The following ARHGAP15 variants were observed in gnomAD, a reference collection of about 807,000 sequenced individuals.
ARHGAP15 encodes rho GTPase-activating protein 15.
In ARHGAP15, 51 loss-of-function variants were observed where a neutral mutation model predicts 63.7. The observed-to-expected ratio is 0.80, with a 90% CI of 0.64 to 1.01. The LOEUF is 1.01. ARHGAP15 is among the 50% of genes least tolerant of loss of function. ARHGAP15 has a pLI of 0.00. For synonymous variants in ARHGAP15, 191 were observed against 193.8 expected, an observed-to-expected ratio of 0.99 and a Z score of 0.12; for missense variants, 560 against 564.6, an observed-to-expected ratio of 0.99 and a Z score of 0.08.
chr2:143,283,840 T>C (rs975198440), intron 6 of ARHGAP15, among the ~76,000 whole-genome samples: 9 of 152,180 alleles, frequency 5.9e-5, no homozygotes, highest in African/African-American at 2.2e-4. Context: ...TGTTCACCTA[T>C]TGGGCTTTCA....
At chr2:143,196,349 G>C (rs991616712) in intron 2 of ARHGAP15, among the ~76,000 whole-genome samples, 5 of 151,898 alleles carry the variant, frequency 3.3e-5, no homozygotes, top group African/African-American at 1.2e-4. Flanking sequence ...CCTATTTGCA[G>C]GACGTGATAA....
intron 11 of ARHGAP15, chr2:143,563,832 G>A (rs889798731): frequency 3.9e-5 from 6 of 152,196 alleles, no homozygotes; most frequent in African/African-American, 7.2e-5. Context: ...ACTGGTTCCC[G>A]GCCTTGACTG....
chr2:143,227,174 T>C (rs1204740634), intron 4 of ARHGAP15, among the ~76,000 whole-genome samples: 1 of 152,178 alleles, frequency 6.6e-6, no homozygotes, highest in Non-Finnish European at 1.5e-5. Flanking sequence ...AAGAGTGCCT[T>C]CATGACATGA....
chr2:143,442,609 C>T (rs965604644), intron 8 of ARHGAP15, among the ~76,000 whole-genome samples: 1 of 152,002 alleles, frequency 6.6e-6, no homozygotes, highest in Non-Finnish European at 1.5e-5. Context: ...GCTTTTGTAG[C>T]ATTAATGGGA....
chr2:143,423,849 G>T (rs1399056432), intron 6 of ARHGAP15, among the ~76,000 whole-genome samples: 1 of 152,008 alleles, frequency 6.6e-6, no homozygotes, highest in African/African-American at 2.4e-5. Context: ...TTTTTCTCAG[G>T]TTATAGGTGA....
At chr2:143,491,003 A>G (rs1035732353) in intron 9 of ARHGAP15, among the ~76,000 whole-genome samples, 4 of 152,224 alleles carry the variant, frequency 2.6e-5, no homozygotes, top group African/African-American at 9.6e-5. Context: ...CCAGAAAAAA[A>G]TTCTGAATGA....
intron 2 of ARHGAP15, among the ~76,000 whole-genome samples, chr2:143,177,254 G>A (rs929417624): frequency 7.2e-5 from 11 of 152,228 alleles, no homozygotes; most frequent in African/African-American, 2.4e-4. Context: ...CATTAAGTGG[G>A]TAAGATGAGA....
intron 11 of ARHGAP15, among the ~76,000 whole-genome samples, chr2:143,583,031 T>C (rs1318033343): frequency 6.6e-6 from 1 of 152,162 alleles, no homozygotes; most frequent in Non-Finnish European, 1.5e-5. Context: ...TGAGTGTACA[T>C]TGGCTACGTC....
intron 4 of ARHGAP15, among the ~76,000 whole-genome samples, chr2:143,221,659 C>G (rs1010866615): frequency 6.6e-6 from 1 of 152,186 alleles, no homozygotes; most frequent in African/African-American, 2.4e-5. Context: ...TTTATGAAGT[C>G]TCAGCACCAC....
At chr2:143,343,369 A>AG (rs942332151) in intron 6 of ARHGAP15, among the ~76,000 whole-genome samples, 1 of 151,992 alleles carries the variant, frequency 6.6e-6, no homozygotes, top group Non-Finnish European at 1.5e-5. Flanking sequence ...GGAATTTGGC[A>AG]GGGGGTGGGG....
chr2:143,440,612 T>C (rs953727753), intron 8 of ARHGAP15, among the ~76,000 whole-genome samples: 11 of 152,220 alleles, frequency 7.2e-5, no homozygotes, highest in Non-Finnish European at 1.3e-4. Flanking sequence ...ATATGTTCTC[T>C]CAATGAGTGA....
At chr2:143,276,010 A>G (rs1681528896) in intron 6 of ARHGAP15, among the ~76,000 whole-genome samples, 1 of 152,180 alleles carries the variant, frequency 6.6e-6, no homozygotes, top group South Asian at 2.1e-4. Context: ...CCATAAACCC[A>G]TCCTTTACAA....
chr2:143,232,027 C>T (rs1693464612), intron 5 of ARHGAP15, among the ~76,000 whole-genome samples: 1 of 152,152 alleles, frequency 6.6e-6, no homozygotes, highest in African/African-American at 2.4e-5. Context: ...GTAACACAAA[C>T]ATTCAATCCT....
chr2:143,342,949 T>C (rs1279228329), intron 6 of ARHGAP15, among the ~76,000 whole-genome samples: 1 of 152,086 alleles, frequency 6.6e-6, no homozygotes, highest in Non-Finnish European at 1.5e-5. Flanking sequence ...TATATGTGTG[T>C]GTGTGTAAAT....
At chr2:143,665,766 C>T (rs1682132996) in intron 12 of ARHGAP15, among the ~76,000 whole-genome samples, 1 of 151,802 alleles carries the variant, frequency 6.6e-6, no homozygotes, top group South Asian at 2.1e-4. Context: ...CATTCTTATA[C>T]ACCAATAACA....
At chr2:143,521,867 G>A in intron 10 of ARHGAP15, 1 of 151,478 alleles carries the variant, frequency 6.6e-6, no homozygotes, top group East Asian at 1.9e-4. Flanking sequence ...CTTATTAGAT[G>A]GATGATTTAA....
chr2:143,302,965 C>G (rs1682976141), intron 6 of ARHGAP15, among the ~76,000 whole-genome samples: 1 of 152,068 alleles, frequency 6.6e-6, no homozygotes, highest in Non-Finnish European at 1.5e-5. Context: ...GAATCACTTT[C>G]TAATCCCTGG....
At chr2:143,339,831 T>C (rs766332883) in intron 6 of ARHGAP15, among the ~76,000 whole-genome samples, 7 of 152,208 alleles carry the variant, frequency 4.6e-5, no homozygotes, top group Non-Finnish European at 8.8e-5. Flanking sequence ...TCACTGTAAT[T>C]TGTATTTATA....
chr2:143,275,265 A>G (rs986227960), intron 6 of ARHGAP15, among the ~76,000 whole-genome samples: 1 of 152,204 alleles, frequency 6.6e-6, no homozygotes, highest in Non-Finnish European at 1.5e-5. Context: ...AGCCGCTGTC[A>G]AACCTTGGCA....
Sources: allele counts gnomAD v4.1 joint callset (sites outside exome capture counted in the v4.1 genomes callset), GRCh38; gene constraint gnomAD v4.1.1; transcripts MANE v1.5; gene names NCBI Gene and HGNC (gene_info 2026-07-23, HGNC 2026-07-21).